The following PCDHGB3 variants were observed in gnomAD, a reference collection of about 807,000 sequenced individuals.
PCDHGB3 encodes protocadherin gamma subfamily B, 3, also known as protocadherin gamma-B3.
A neutral mutation model predicts 59.2 loss-of-function variants in PCDHGB3; 40 were observed. The observed-to-expected ratio is 0.68, with a 90% confidence interval of 0.52 to 0.88. PCDHGB3 has a LOEUF of 0.88. Among genes scored for constraint, PCDHGB3 ranks in the 40% least tolerant of loss-of-function variants. The pLI is 0.00. For missense variants in PCDHGB3, 1,309 were observed against 1,187.9 expected (o/e 1.10, Z -1.50); for synonymous variants, 581 against 503.6 (o/e 1.15, Z -2.06).
chr5:141,496,772 T>C (rs994207358), intron 2 of PCDHGB3, among the ~76,000 whole-genome samples: 9 of 152,008 alleles, frequency 5.9e-5, no homozygotes, highest in African/African-American at 1.2e-4. Flanking sequence ...GCATCTACTA[T>C]GAGCAGGGCC....
At chr5:141,415,176 C>A in intron 1 of PCDHGB3, 2 of 1,613,934 alleles carry the variant, frequency 1.2e-6, no homozygotes, top group Non-Finnish European at 1.7e-6. Context: ...TCACCGTGGC[C>A]GTGGCCGACA....
At chr5:141,389,582 T>C (rs1266016569) in intron 1 of PCDHGB3, 2 of 1,613,146 alleles carry the variant, frequency 1.2e-6, no homozygotes, top group Non-Finnish European at 1.7e-6. Context: ...CCGCGCTGGG[T>C]CCCGACGGCT....
chr5:141,482,998 T>C (rs1458221945), intron 1 of PCDHGB3, among the ~76,000 whole-genome samples: 1 of 152,008 alleles, frequency 6.6e-6, no homozygotes, highest in Non-Finnish European at 1.5e-5. Flanking sequence ...GGCAGGAGAA[T>C]TGCTTGAACC....
In PCDHGB3 at chr5:141,402,956, G is replaced by A. The variant is rs1276206622; in HGVS notation, c.2415+30147G>A. Reference sequence around the variant, plus strand: ...AAAATTCCAAAGCGAGGCAGCAATGGCAGCTCCAACCAAATGCCAGCTCCG... The same window carrying A: ...AAAATTCCAAAGCGAGGCAGCAATGACAGCTCCAACCAAATGCCAGCTCCG... On this transcript the variant is annotated intron_variant, in intron 1 of 3. Coordinates refer to ENST00000576222, the MANE Select transcript of PCDHGB3 (RefSeq NM_018924.5). 1.2e-6 allele frequency: 2 copies of A among 1,601,842 alleles called. No individual in the cohort carries two copies. The highest frequency in any genetic ancestry group is 2.7e-5 in the African/African-American group (2 of 74,454).
At chr5:141,376,955 G>A (rs1473018804) in intron 1 of PCDHGB3, 1 of 163,724 alleles carries the variant, frequency 6.1e-6, no homozygotes, top group Admixed American at 5.9e-5. Flanking sequence ...CCAAAGTGCT[G>A]GGATTACAGG....
intron 1 of PCDHGB3, among the ~76,000 whole-genome samples, chr5:141,469,187 G>T (rs147209381): frequency 5.9e-5 from 9 of 151,588 alleles, no homozygotes; most frequent in African/African-American, 1.9e-4. Context: ...GAGGCAAGAG[G>T]ATTGCTTGAG....
intron 1 of PCDHGB3, chr5:141,416,674 G>T (rs547618174): frequency 6.6e-6 from 1 of 152,132 alleles, no homozygotes; most frequent in Non-Finnish European, 1.5e-5. Context: ...TATATGCAAC[G>T]AAGGGAAATT....
chr5:141,394,809 G>C (rs1346374248), intron 1 of PCDHGB3: 1 of 1,613,892 alleles, frequency 6.2e-7, no homozygotes, highest in Non-Finnish European at 8.5e-7. Flanking sequence ...AGCCGTGGCT[G>C]ACAGCATCCC....
rs1297208780 is a variant in PCDHGB3 at position 141,486,613 on chromosome 5, T to C, written c.2416-8194T>C. 2 of 1,613,658 alleles carry C rather than the reference T, an allele frequency of 1.2e-6. No individual in the cohort carries two copies. The highest frequency in any genetic ancestry group is 2.7e-5 in the African/African-American group (2 of 75,074). On this transcript the variant is annotated intron_variant, in intron 1 of 3. Coordinates refer to ENST00000576222, the MANE Select transcript of PCDHGB3 (RefSeq NM_018924.5). The surrounding 1 kb of genome is among the most constrained non-coding windows in gnomAD (Gnocchi z 5.0). ...ACCTGCTTTGCTCCCTTGCAGCCTC[T>C]GACCCAGACTCTGGCTTGAATGCGC...
In PCDHGB3 at chr5:141,487,218, C is replaced by T; in HGVS notation, c.2416-7589C>T. The T allele has an allele frequency of 6.2e-7, 1 of 1,613,938 alleles. No individual in the cohort carries two copies. The highest frequency in any genetic ancestry group is 1.3e-5 in the African/African-American group (1 of 75,024). On this transcript the variant is annotated intron_variant, in intron 1 of 3. Coordinates refer to ENST00000576222, the MANE Select transcript of PCDHGB3 (RefSeq NM_018924.5). The surrounding 1 kb of genome is among the most constrained non-coding windows in gnomAD (Gnocchi z 5.0). ...CCAGATCTTCGAGAATCTTCAGCTCCAAGGGAAGGAGAATCTCGTCTAACC... is the reference window on the plus strand; with the variant it reads ...CCAGATCTTCGAGAATCTTCAGCTCTAAGGGAAGGAGAATCTCGTCTAACC...
chr5:141,449,584 G>C (rs2098645697), intron 1 of PCDHGB3, among the ~76,000 whole-genome samples: 1 of 123,190 alleles, frequency 8.1e-6, no homozygotes, highest in South Asian at 2.5e-4. Context: ...GCAAGACTCT[G>C]TCTCAAAAAA....
chr5:141,502,864 G>T (rs1595824348), intron 2 of PCDHGB3, among the ~76,000 whole-genome samples: 4 of 61,548 alleles, frequency 6.5e-5, no homozygotes, highest in African/African-American at 2.4e-4. Flanking sequence ...CTGACTCTCT[G>T]TCTTTTTTTT....
intron 1 of PCDHGB3, among the ~76,000 whole-genome samples, chr5:141,439,076 C>G (rs1358035789): frequency 6.6e-6 from 1 of 151,590 alleles, no homozygotes; most frequent in East Asian, 2.0e-4. Context: ...GCCTGTAATC[C>G]CAGCTACTCA....
intron 2 of PCDHGB3, among the ~76,000 whole-genome samples, chr5:141,499,772 C>T (rs1217675128): frequency 1.0e-4 from 15 of 147,946 alleles, no homozygotes; most frequent in Admixed American, 9.0e-4. Context: ...CTGCAGCCTT[C>T]GCCTCCCGGG....
At chr5:141,482,089 CAA>C (rs36035257) in intron 1 of PCDHGB3, among the ~76,000 whole-genome samples, 9,071 of 134,384 alleles carry the variant, frequency 0.068, 318 homozygotes, top group South Asian at 0.13. Context: ...CACTCCATCT[CAA>C]AAAAAAAAAA....
chr5:141,498,002 C>T (rs1442305270), intron 2 of PCDHGB3, among the ~76,000 whole-genome samples: 2 of 152,178 alleles, frequency 1.3e-5, no homozygotes, highest in East Asian at 1.9e-4. Flanking sequence ...AAGGAGTTTA[C>T]AGTGCACTGA....
At chr5:141,403,838 GA>G (rs751575888) in intron 1 of PCDHGB3, 1 of 1,613,592 alleles carries the variant, frequency 6.2e-7, no homozygotes, top group African/African-American at 1.3e-5. Context: ...CCAGCTTAAT[GA>G]AAATACTGGG....
In PCDHGB3 at chr5:141,370,714, A is replaced by C; in HGVS notation, c.320A>C (p.Glu107Ala). Residue 107 changes from glutamate (E) to alanine (A), a missense_variant, in exon 1 of 4, where the codon GAA (glutamate) becomes GCA (alanine). Coordinates refer to ENST00000576222, the MANE Select transcript of PCDHGB3 (RefSeq NM_018924.5). ...AAGTCGACGTGTGTTCTGGAATTTG[A>C]AATGGTTGCTGAAAAGCCTTTAAAC... ...GKKSTCVLEF[E>A]MVAEKPLNFF... The C allele has an allele frequency of 6.2e-7, 1 of 1,613,830 alleles. No individual in the cohort carries two copies.
At chr5:141,479,186 T>A (rs956575218) in intron 1 of PCDHGB3, 1 of 152,590 alleles carries the variant, frequency 6.6e-6, no homozygotes, top group Non-Finnish European at 1.5e-5. Flanking sequence ...GCTAGAAAAT[T>A]CAGAAAATAC....
Sources: allele counts gnomAD v4.1 joint callset (sites outside exome capture counted in the v4.1 genomes callset), GRCh38; gene constraint gnomAD v4.1.1; non-coding constraint Gnocchi (gnomAD v3.1); transcripts MANE v1.5; gene names NCBI Gene and HGNC (gene_info 2026-07-23, HGNC 2026-07-21).